TULP4: variants seen among roughly 807,000 people sequenced by gnomAD.
TULP4 encodes the protein tubby-related protein 4.
Under a neutral mutation model 129.0 loss-of-function variants are expected in TULP4, and 16 were observed. The observed-to-expected ratio is 0.12, with a 90% CI of 0.08 to 0.19. The LOEUF (loss-of-function observed/expected upper bound fraction) is 0.19. Among genes scored for constraint, TULP4 ranks in the 10% least tolerant of loss-of-function variants. The pLI, the probability that TULP4 is intolerant of heterozygous loss-of-function variation, is 1.00. For missense variants in TULP4, 1,842 were observed against 2,059.1 expected (o/e 0.89, Z 2.04); for synonymous variants, 998 against 854.0 (o/e 1.17, Z -2.94).
At chr6:158,277,337 T>A (rs1778665582), upstream of TULP4, among the ~76,000 whole-genome samples, 1 of 152,340 alleles carries the variant, frequency 6.6e-6, no homozygotes, top group South Asian at 2.1e-4. Context: ...GATTTCTTTG[T>A]AGCTATTAAA....
chr6:158,255,108 GTGTCCCT>G (rs1479408169), intron 1 of TULP4, among the ~76,000 whole-genome samples: 4 of 151,920 alleles, frequency 2.6e-5, no homozygotes, highest in Non-Finnish European at 5.9e-5. Flanking sequence ...GAAAAACTCT[GTGTCCCT>G]TGTCTTACTC....
At chr6:158,484,626 A>G (rs1163399722) in intron 8 of TULP4, among the ~76,000 whole-genome samples, 1 of 149,140 alleles carries the variant, frequency 6.7e-6, no homozygotes, top group African/African-American at 2.6e-5. Flanking sequence ...GGCCTTAAAG[A>G]AAAGAAGGAG....
intron 5 of TULP4, 44 bp downstream of exon 5, chr6:158,452,312 T>C: frequency 6.2e-7 from 1 of 1,605,716 alleles, no homozygotes; most frequent in Non-Finnish European, 8.5e-7. Context: ...ACCGGGCCTG[T>C]GTGTGCTTGC....
chr6:158,383,276 G>T lies in TULP4; in HGVS notation c.253-29789G>T, dbSNP rs188921431. ...CACCTGCCCAGTACACATTCCTAGA[G>T]GTGTCAAGGGGTGAGGAGAGTAATA... On this transcript the variant is annotated intron_variant, in intron 1 of 13. Transcript: ENST00000367097. Among the ~76,000 whole-genome samples, 4 of 152,262 alleles carry T rather than the reference G, an allele frequency of 2.6e-5. No individual in the cohort carries two copies. In the East Asian group the frequency reaches 5.8e-4, roughly 22 times the overall value.
chr6:158,285,923 T>G (rs931796762), intron 1 of TULP4, among the ~76,000 whole-genome samples: 1 of 152,204 alleles, frequency 6.6e-6, no homozygotes, highest in Non-Finnish European at 1.5e-5. Context: ...GCTGGCTGCG[T>G]TTCAGCTCTC....
Position 158,503,926 on chromosome 6 carries a change from C to T in TULP4, c.4263C>T (p.Asn1421=), listed in dbSNP as rs1562595911. ...TCATCAGCGGGGATGAGCTCATGAA[C>T]CAGAGCCAGGGCAGCAGAAAGGGCT... ...ELFISGDELM[N]QSQGSRKGWK... is the part of the protein sequence containing the mutation. The change falls in exon 13 of 14, where the codon AAC becomes AAT. Residue 1421 remains asparagine, a synonymous_variant. Coordinates refer to ENST00000367097, the MANE Select transcript of TULP4 (RefSeq NM_020245.5). The surrounding 1 kb of genome is among the most constrained non-coding windows in gnomAD (Gnocchi z 4.3). 1.2e-6 allele frequency: 2 copies of T among 1,613,856 alleles called. No individual in the cohort carries two copies. Among genetic ancestry groups the T allele is most frequent in the African/African-American group, 2.7e-5 (2 of 74,942 alleles).
chr6:158,340,452 G>T (rs189631528), intron 1 of TULP4, among the ~76,000 whole-genome samples: 1 of 152,040 alleles, frequency 6.6e-6, no homozygotes, highest in African/African-American at 2.4e-5. Flanking sequence ...CAGGGTGAGC[G>T]TGTGTGGGTG....
intron 1 of TULP4, among the ~76,000 whole-genome samples, chr6:158,307,117 G>C (rs986122259): frequency 6.6e-6 from 1 of 152,096 alleles, no homozygotes; most frequent in Non-Finnish European, 1.5e-5. Flanking sequence ...ACAACTGCTT[G>C]TCCTAAAACT....
chr6:158,248,930 G>A (rs1373140719), intron 1 of TULP4, among the ~76,000 whole-genome samples: 2 of 151,850 alleles, frequency 1.3e-5, no homozygotes, highest in Non-Finnish European at 2.9e-5. Context: ...GACCAGCCTG[G>A]GCAACATAGC....
At chr6:158,322,978 C>T (rs773839416) in intron 1 of TULP4, among the ~76,000 whole-genome samples, 3 of 152,068 alleles carry the variant, frequency 2.0e-5, no homozygotes, top group Non-Finnish European at 2.9e-5. Flanking sequence ...ACGTTTAGCG[C>T]GTGCTTTTCT....
intron 9 of TULP4, among the ~76,000 whole-genome samples, chr6:158,490,773 C>T (rs958763969): frequency 1.3e-5 from 2 of 151,952 alleles, no homozygotes; most frequent in Admixed American, 6.6e-5. Context: ...ACGATATGTT[C>T]CCTTTGTATC....
At position 158,335,640 on chromosome 6, in the gene TULP4, G is replaced by A. The variant is rs530443932; in HGVS notation, c.252+21372G>A. Among the ~76,000 whole-genome samples, 4 of 152,292 alleles carry A rather than the reference G, an allele frequency of 2.6e-5. No homozygotes were observed. In the South Asian group the frequency reaches 8.3e-4, roughly 32 times the overall value. On this transcript the variant is annotated intron_variant, in intron 1 of 13. Coordinates refer to ENST00000367097, the MANE Select transcript of TULP4 (RefSeq NM_020245.5). ...TCCTTCTGTAAAAATAGGCAGATGTGTGTGGTGTATATTTATGTTTTCTTA... is the reference window on the plus strand; with the variant it reads ...TCCTTCTGTAAAAATAGGCAGATGTATGTGGTGTATATTTATGTTTTCTTA...
chr6:158,295,100 A>G (rs1779005429), intron 1 of TULP4, among the ~76,000 whole-genome samples: 1 of 152,120 alleles, frequency 6.6e-6, no homozygotes, highest in African/African-American at 2.4e-5. Context: ...AAAATTTTCT[A>G]CTGTATATTT....
At chr6:158,253,956 T>C (rs997150517) in intron 1 of TULP4, among the ~76,000 whole-genome samples, 7 of 152,020 alleles carry the variant, frequency 4.6e-5, no homozygotes, top group Non-Finnish European at 8.8e-5. Context: ...GGAGAATTGC[T>C]TGAACCCAGG....
chr6:158,480,923 C>T (rs752802925), intron 7 of TULP4, 132 bp from the exon 8 acceptor site: 15 of 741,394 alleles, frequency 2.0e-5, no homozygotes, highest in Non-Finnish European at 3.3e-5. Flanking sequence ...TACCCTCTTC[C>T]CCAGGCCCCC....
At chr6:158,450,989 C>G (rs945022000) in intron 4 of TULP4, among the ~76,000 whole-genome samples, 8 of 152,054 alleles carry the variant, frequency 5.3e-5, no homozygotes, top group Non-Finnish European at 7.4e-5. Flanking sequence ...GGCTTGAACC[C>G]GGGAGGCGGA....
chr6:158,474,455 A>G (rs148458214), intron 6 of TULP4, among the ~76,000 whole-genome samples: 404 of 151,614 alleles, frequency 2.7e-3, no homozygotes, highest in Non-Finnish European at 3.6e-3. Flanking sequence ...ACTCACTGCT[A>G]TATACAAAAA....
chr6:158,279,263 T>C (rs1778705378), upstream of TULP4, among the ~76,000 whole-genome samples: 1 of 152,172 alleles, frequency 6.6e-6, no homozygotes. Context: ...TTTGAAAATG[T>C]AGAACAATAA....
chr6:158,328,019 G>A (rs1779783525), intron 1 of TULP4, among the ~76,000 whole-genome samples: 1 of 151,300 alleles, frequency 6.6e-6, no homozygotes, highest in South Asian at 2.1e-4. Context: ...GTTTCTTTCA[G>A]TAAGAAACTT....
Sources: allele counts gnomAD v4.1 joint callset (sites outside exome capture counted in the v4.1 genomes callset), GRCh38; gene constraint gnomAD v4.1.1; non-coding constraint Gnocchi (gnomAD v3.1); transcripts MANE v1.5; gene names NCBI Gene and HGNC (gene_info 2026-07-23, HGNC 2026-07-21).